TBC1D2B: variants seen among roughly 807,000 people sequenced by gnomAD.
TBC1D2B encodes the protein TBC1 domain family member 2B, also known as TBC1 domain family, member 2B.
A neutral mutation model predicts 100.8 loss-of-function variants in TBC1D2B; 64 were observed. The ratio of observed to expected loss-of-function variants is 0.64; its 90% confidence interval spans 0.52 to 0.78. The LOEUF (loss-of-function observed/expected upper bound fraction) is 0.78. TBC1D2B is among the 30% of genes least tolerant of loss of function. The pLI is 0.00. For synonymous variants in TBC1D2B, 480 were observed against 479.7 expected (o/e 1.00, Z -0.01); for missense variants, 1,052 against 1,218.4 (o/e 0.86, Z 2.03).
intron 1 of TBC1D2B, among the ~76,000 whole-genome samples, chr15:78,064,802 G>A (rs977878860): frequency 2.6e-5 from 4 of 151,958 alleles, no homozygotes; most frequent in African/African-American, 7.3e-5. Flanking sequence ...GAAATCTTCT[G>A]TTTCAGCCCA....
At chr15:78,001,585 T>A in intron 12 of TBC1D2B, 34 bp downstream of exon 12, 1 of 1,586,710 alleles carries the variant, frequency 6.3e-7, no homozygotes, top group Non-Finnish European at 8.6e-7. Context: ...GGCTTCCTGC[T>A]CTCCTTGACA....
At chr15:78,021,240 TG>T (rs1299425730) in intron 6 of TBC1D2B, among the ~76,000 whole-genome samples, 1 of 152,064 alleles carries the variant, frequency 6.6e-6, no homozygotes, top group East Asian at 1.9e-4. Flanking sequence ...GCATGAAAAC[TG>T]GTCAAGAACA....
chr15:77,998,565 G>T, intron 12 of TBC1D2B: 1 of 522,836 alleles, frequency 1.9e-6, no homozygotes, highest in Non-Finnish European at 3.4e-6. Flanking sequence ...ATGACGACCT[G>T]GACTCCAGCT....
chr15:78,047,217 T>C (rs2073215604), intron 2 of TBC1D2B, among the ~76,000 whole-genome samples: 2 of 148,650 alleles, frequency 1.3e-5, no homozygotes, highest in South Asian at 4.3e-4. Flanking sequence ...AGGCCTGGAG[T>C]GCAGTGGTGT....
intron 3 of TBC1D2B, among the ~76,000 whole-genome samples, chr15:78,031,888 A>G (rs771336582): frequency 6.6e-6 from 1 of 152,216 alleles, no homozygotes; most frequent in Non-Finnish European, 1.5e-5. Context: ...GGGAAAGCCA[A>G]TGAGGTAAGC....
At chr15:78,012,783 G>T in intron 9 of TBC1D2B, 40 bp downstream of exon 9, 2 of 1,415,796 alleles carry the variant, frequency 1.4e-6, no homozygotes, top group Non-Finnish European at 1.9e-6. Context: ...CCTACAAGTT[G>T]CCTAATGGCA....
intron 11 of TBC1D2B, 43 bp from the exon 12 acceptor site, chr15:78,001,783 G>A: frequency 6.4e-7 from 1 of 1,568,760 alleles, no homozygotes; most frequent in Non-Finnish European, 8.6e-7. Flanking sequence ...AAAACCCTGT[G>A]GGTCCAGGCA....
intron 1 of TBC1D2B, among the ~76,000 whole-genome samples, chr15:78,071,282 G>A (rs575026204): frequency 3.3e-5 from 5 of 152,166 alleles, no homozygotes; most frequent in Admixed American, 6.5e-5. Flanking sequence ...TTTTTAAATG[G>A]TTGAAAAAAA....
chr15:78,063,570 G>A (rs750496451), intron 1 of TBC1D2B, among the ~76,000 whole-genome samples: 6 of 152,168 alleles, frequency 3.9e-5, no homozygotes, highest in Non-Finnish European at 8.8e-5. Context: ...AGGTCCTCTG[G>A]ACATTAAATC....
intron 3 of TBC1D2B, among the ~76,000 whole-genome samples, chr15:78,037,725 A>T (rs1270451082): frequency 6.6e-6 from 1 of 152,188 alleles, no homozygotes; most frequent in Admixed American, 6.5e-5. Context: ...CCAGGACATC[A>T]ATTAAGGAGT....
chr15:78,031,378 ACT>A (rs1325098329), intron 3 of TBC1D2B, among the ~76,000 whole-genome samples: 1 of 151,948 alleles, frequency 6.6e-6, no homozygotes, highest in Non-Finnish European at 1.5e-5. Flanking sequence ...ACATGGCGAA[ACT>A]CTGTCTCTAC....
chr15:78,006,839 C>T (rs1318785958), intron 10 of TBC1D2B, among the ~76,000 whole-genome samples: 1 of 152,206 alleles, frequency 6.6e-6, no homozygotes, highest in Non-Finnish European at 1.5e-5. Flanking sequence ...TAAGTTCAAA[C>T]ATTTACTGTG....
At chr15:78,047,422 T>A (rs1339718967) in intron 2 of TBC1D2B, among the ~76,000 whole-genome samples, 1 of 152,000 alleles carries the variant, frequency 6.6e-6, no homozygotes, top group Non-Finnish European at 1.5e-5. Context: ...CATGTCAAGC[T>A]CCAAGTCACT....
At chr15:78,039,255 G>A (rs536391143) in intron 3 of TBC1D2B, among the ~76,000 whole-genome samples, 7 of 152,292 alleles carry the variant, frequency 4.6e-5, no homozygotes, top group East Asian at 1.9e-4. Context: ...CCAAACATCC[G>A]GGTGCCTGCT....
chr15:78,026,818 T>G (rs1201653953), intron 4 of TBC1D2B, among the ~76,000 whole-genome samples: 1 of 151,692 alleles, frequency 6.6e-6, no homozygotes, highest in Non-Finnish European at 1.5e-5. Flanking sequence ...GGAGAATCAC[T>G]TGAACCCGGG....
At chr15:78,040,888 G>GAAAGAAAGAAAGAAAGAAAGAAAA in intron 3 of TBC1D2B, among the ~76,000 whole-genome samples, 1 of 122,482 alleles carries the variant, frequency 8.2e-6, no homozygotes, top group Admixed American at 8.1e-5. Context: ...GAAAGAGAGA[G>GAAAGAAAGAAAGAAAGAAAGAAAA]AGAGAGAAAG....
intron 6 of TBC1D2B, among the ~76,000 whole-genome samples, chr15:78,022,142 T>C (rs1013469799): frequency 3.9e-5 from 6 of 152,348 alleles, no homozygotes; most frequent in South Asian, 4.1e-4. Flanking sequence ...GCAGATCACT[T>C]GAGCTCAGGA....
At chr15:78,016,429 C>T in intron 8 of TBC1D2B, 117 bp downstream of exon 8, 1 of 942,936 alleles carries the variant, frequency 1.1e-6, no homozygotes, top group Non-Finnish European at 1.6e-6. Context: ...CAGCATTTGT[C>T]ATGAGCACCA....
intron 1 of TBC1D2B, among the ~76,000 whole-genome samples, chr15:78,075,407 C>A (rs1253021055): frequency 1.3e-5 from 2 of 152,054 alleles, no homozygotes; most frequent in Non-Finnish European, 2.9e-5. Flanking sequence ...ACCGTGTTAG[C>A]CAGGATGGTC....
Sources: allele counts gnomAD v4.1 joint callset (sites outside exome capture counted in the v4.1 genomes callset), GRCh38; gene constraint gnomAD v4.1.1; transcripts MANE v1.5; gene names NCBI Gene and HGNC (gene_info 2026-07-23, HGNC 2026-07-21).